Variants in SLC16A14 observed in about 807,000 individuals in gnomAD.
SLC16A14 encodes monocarboxylate transporter 14.
Under a neutral mutation model 35.8 loss-of-function variants are expected in SLC16A14, and 14 were observed. The ratio of observed to expected loss-of-function variants is 0.39; its 90% CI spans 0.26 to 0.61. The LOEUF is 0.61. Among genes scored for constraint, SLC16A14 ranks in the 20% least tolerant of loss-of-function variants. The pLI is 0.51. For synonymous variants in SLC16A14, 248 were observed against 258.9 expected (o/e 0.96, Z 0.40); for missense variants, 533 against 655.0 (o/e 0.81, Z 2.03).
At chr2:230,044,740 G>GTGTGTGTGTGTGTGTGTGTA (rs2077589545) in intron 4 of SLC16A14, among the ~76,000 whole-genome samples, 3 of 143,370 alleles carry the variant, frequency 2.1e-5, no homozygotes, top group African/African-American at 8.1e-5. Context: ...GTGTGTGTAT[G>GTGTGTGTGTGTGTGTGTGTA]TGTGTGTGTG....
rs751500397 is a variant in SLC16A14 at position 230,059,107 on chromosome 2, G to T, written c.246C>A (p.Ile82=). 6.2e-7 allele frequency: 1 copy of T among 1,611,980 alleles called. No homozygotes were observed. Among genetic ancestry groups the T allele is most frequent in the East Asian group, 2.2e-5 (1 of 44,878 alleles). ...ACATGAACATACCCACTATCAAGGTGATGCCCATGCTGAGGGAGCTGACCC... is the reference window on the plus strand; with the variant it reads ...ACATGAACATACCCACTATCAAGGTTATGCCCATGCTGAGGGAGCTGACCC... ...TAWVSSLSMG[I]TLIVGPFIGL... Residue 82 remains isoleucine (I), a synonymous_variant, in exon 2 of 5, where the codon ATC becomes ATA. Transcript: ENST00000295190.
At chr2:230,064,024 G>T (rs6711796) in intron 1 of SLC16A14, among the ~76,000 whole-genome samples, 32,008 of 151,600 alleles carry the variant, frequency 0.21, 4,153 homozygotes, top group South Asian at 0.34. Flanking sequence ...TTGAGCCTGG[G>T]AGGTTCAGGC....
At position 230,038,275 on chromosome 2, in the gene SLC16A14, C is replaced by T. The variant is rs2077534260; in HGVS notation, c.1382-744G>A. ...CCACTATATTTCATGAATTCTAAGA[C>T]AATGATGTGCCATTATTTTATGTAT... On this transcript the variant is annotated intron_variant, in intron 4 of 4. Coordinates refer to ENST00000295190, the MANE Select transcript of SLC16A14 (RefSeq NM_152527.5). This position sits in a 1 kb window ranked among gnomAD's most constrained non-coding sequence, Gnocchi z 4.4. 6.6e-6 allele frequency among the ~76,000 whole-genome samples: 1 copy of T among 152,102 alleles called. No individual in the cohort carries two copies. Among genetic ancestry groups the T allele is most frequent in the Admixed American group, 6.6e-5 (1 of 15,266 alleles).
rs760434658 is a variant in SLC16A14, at chr2:230,045,784, C to G, written c.1342G>C (p.Ala448Pro). The G allele has an allele frequency of 2.5e-6, 4 of 1,614,204 alleles. No individual in the cohort carries two copies. The East Asian group carries it at 8.9e-5, about 36-fold the overall frequency. The change falls in exon 4 of 5, where the codon GCT becomes CCT. Residue 448 changes from alanine (A) to proline (P), a missense_variant. Transcript: ENST00000295190. ...LANAYGIIIC[A>P]NGISALLGPP... ...CCCAGCAATGCAGAGATGCCATTAG[C>G]ACAGATGATGATGCCGTAGGCATTG...
At chr2:230,043,009 G>C (rs1322154505) in intron 4 of SLC16A14, among the ~76,000 whole-genome samples, 1 of 152,202 alleles carries the variant, frequency 6.6e-6, no homozygotes, top group Non-Finnish European at 1.5e-5. Context: ...CTGGTTATGT[G>C]ACAGAAATCT....
rs1395967040 is a variant in SLC16A14 at position 230,036,758 on chromosome 2, T to C, written c.*622A>G. 1 of 152,236 alleles carries C rather than the reference T, an allele frequency of 6.6e-6. No homozygotes were observed. The highest frequency in any genetic ancestry group is 2.4e-5 in the African/African-American group (1 of 41,466). The allele number at this position is 152,236 out of a possible 1,614,324, so 9.4% of individuals were successfully genotyped here. On this transcript the variant is annotated 3_prime_UTR_variant, in exon 5 of 5. Transcript: ENST00000295190. ...TGAATTAGGATTAATGGCAAGTGCCTTCTTTTAGAGGAGGATTTAGGAGTC... is the reference window on the plus strand; with the variant it reads ...TGAATTAGGATTAATGGCAAGTGCCCTCTTTTAGAGGAGGATTTAGGAGTC...
At chr2:230,044,726 G>A (rs1474005852) in intron 4 of SLC16A14, among the ~76,000 whole-genome samples, 10 of 103,078 alleles carry the variant, frequency 9.7e-5, no homozygotes, top group Admixed American at 3.1e-4. Flanking sequence ...GTGTGTGTGT[G>A]TGTGTGTGTG....
chr2:230,049,052 TTTATTA>T (rs60075593), intron 3 of SLC16A14, among the ~76,000 whole-genome samples: 29,298 of 141,432 alleles, frequency 0.21, 3,642 homozygotes, highest in South Asian at 0.33. Context: ...CACAGGAGGC[TTTATTA>T]TTATTATTAT....
chr2:230,039,403 G>A (rs1361595933), intron 4 of SLC16A14, among the ~76,000 whole-genome samples: 2 of 151,964 alleles, frequency 1.3e-5, no homozygotes, highest in Non-Finnish European at 2.9e-5. Context: ...TGGAGACAAG[G>A]GGGACAAAAA....
intron 4 of SLC16A14, among the ~76,000 whole-genome samples, chr2:230,043,728 C>T (rs948527007): frequency 1.3e-5 from 2 of 152,344 alleles, no homozygotes; most frequent in East Asian, 3.9e-4. Context: ...CCAGCCTCTG[C>T]CATGCTATGC....
Position 230,037,327 on chromosome 2 carries a change from T to C in SLC16A14, c.*53A>G, listed in dbSNP as rs2077526199. 1.3e-6 allele frequency: 2 copies of C among 1,494,780 alleles called. No individual in the cohort carries two copies. The highest frequency in any genetic ancestry group is 1.8e-4 in the Middle Eastern group (1 of 5,572). The allele number at this position is 1,494,780 out of a possible 1,614,324, so 92.6% of individuals were successfully genotyped here. On this transcript the variant is annotated 3_prime_UTR_variant, in exon 5 of 5. Transcript: ENST00000295190. ...TGTCATAGGTGCCTCACAGCAACCA[T>C]GCGAGGTAGGCATGAGTATTACAAT...
rs1390636154 is a variant in SLC16A14 at position 230,035,633 on chromosome 2, G to A, written c.*1747C>T. On this transcript the variant is annotated 3_prime_UTR_variant, in exon 5 of 5. Coordinates refer to ENST00000295190, the MANE Select transcript of SLC16A14 (RefSeq NM_152527.5). Reference sequence around the variant, plus strand: ...GCCAAAGCTGTAATGATAACACATAGGTTGTTGTGTTGAACCAAATGGAGT... The same window carrying A: ...GCCAAAGCTGTAATGATAACACATAAGTTGTTGTGTTGAACCAAATGGAGT... 1 of 152,176 alleles carries A rather than the reference G, an allele frequency of 6.6e-6. No individual in the cohort carries two copies. Among genetic ancestry groups the A allele is most frequent in the Non-Finnish European group, 1.5e-5 (1 of 68,036 alleles). The allele number at this position is 152,176 out of a possible 1,614,324, so 9.4% of individuals were successfully genotyped here. A position where few individuals can be genotyped will look rare whatever the true frequency, so the allele number is the denominator to read the frequency against.
At chr2:230,045,153 G>A (rs1384181434) in intron 4 of SLC16A14, among the ~76,000 whole-genome samples, 2 of 152,314 alleles carry the variant, frequency 1.3e-5, no homozygotes, top group Middle Eastern at 3.4e-3. Flanking sequence ...TAAGGAGCCC[G>A]TCAGTATTCC....
At chr2:230,067,532 TCTTC>T (rs2077809074) in intron 1 of SLC16A14, among the ~76,000 whole-genome samples, 3 of 80,208 alleles carry the variant, frequency 3.7e-5, no homozygotes. Flanking sequence ...CTCTCCCCTC[TCTTC>T]TCTCTCTCTC....
Position 230,037,325 on chromosome 2 carries a change from C to G in SLC16A14, c.*55G>C. 6.8e-7 allele frequency: 1 copy of G among 1,478,704 alleles called. No homozygotes were observed. The highest frequency in any genetic ancestry group is 9.0e-7 in the Non-Finnish European group (1 of 1,111,052). The allele number at this position is 1,478,704 out of a possible 1,614,324, so 91.6% of individuals were successfully genotyped here. On this transcript the variant is annotated 3_prime_UTR_variant, in exon 5 of 5. Coordinates refer to ENST00000295190, the MANE Select transcript of SLC16A14 (RefSeq NM_152527.5). ...CCTGTCATAGGTGCCTCACAGCAAC[C>G]ATGCGAGGTAGGCATGAGTATTACA... is the stretch of plus-strand genomic sequence containing the variant.
In SLC16A14 at chr2:230,046,324, G is replaced by A. The variant is rs763653079; in HGVS notation, c.802C>T (p.Pro268Ser). Residue 268 changes from proline (P) to serine (S), a missense_variant, in exon 4 of 5, where the codon CCC becomes TCC. Transcript: ENST00000295190. The surrounding 1 kb of genome is among the most constrained non-coding windows in gnomAD (Gnocchi z 5.0). The part of the protein sequence containing the change: ...TLCDLQAQEC[P>S]DQAGHRKNMC... ...TTCTTCCTGTGCCCGGCCTGATCGG[G>A]GCACTCCTGGGCTTGCAGGTCGCAG... 6.2e-7 allele frequency: 1 copy of A among 1,614,110 alleles called. No homozygotes were observed. Among genetic ancestry groups the A allele is most frequent in the South Asian group, 1.1e-5 (1 of 91,066 alleles).
At chr2:230,061,346 C>T (rs531524388) in intron 1 of SLC16A14, among the ~76,000 whole-genome samples, 146 of 152,316 alleles carry the variant, frequency 9.6e-4, no homozygotes, top group Middle Eastern at 6.8e-3. Context: ...TTGTATTCTA[C>T]ATGGAAGTTA....
In SLC16A14 at chr2:230,038,965, C is replaced by G. The variant is rs2077538781; in HGVS notation, c.1382-1434G>C. 6.6e-6 allele frequency among the ~76,000 whole-genome samples: 1 copy of G among 152,004 alleles called. No homozygotes were observed. The highest frequency in any genetic ancestry group is 2.1e-4 in the South Asian group (1 of 4,826). On this transcript the variant is annotated intron_variant, in intron 4 of 4. Coordinates refer to ENST00000295190, the MANE Select transcript of SLC16A14 (RefSeq NM_152527.5). This position sits in a 1 kb window ranked among gnomAD's most constrained non-coding sequence, Gnocchi z 4.4. ...ATGATCAAACATAGTATTCCGTGGC[C>G]ACTTTTCAGAAACATCTTTAAAAAA...
intron 4 of SLC16A14, among the ~76,000 whole-genome samples, chr2:230,039,276 A>T (rs1360922598): frequency 1.3e-5 from 2 of 152,136 alleles, no homozygotes; most frequent in Non-Finnish European, 2.9e-5. Context: ...TCTACTTTAA[A>T]AGTAAACCAA....
Sources: gnomAD v4.1 joint callset for allele counts (sites outside exome capture counted in the v4.1 genomes callset) on GRCh38, gnomAD v4.1.1 for gene constraint, Gnocchi (gnomAD v3.1) non-coding constraint, MANE v1.5 for transcripts, NCBI Gene and HGNC (gene_info 2026-07-23, HGNC 2026-07-21) for gene names.